The following ERG variants were observed in gnomAD, a reference collection of about 807,000 sequenced individuals.
The protein encoded by ERG is ETS transcription factor ERG.
ERG carries 9 observed loss-of-function variants against 55.3 expected under a neutral mutation model. The observed-to-expected ratio is 0.16, with a 90% confidence interval of 0.10 to 0.28. ERG has a LOEUF of 0.28. ERG is among the 10% of genes least tolerant of loss of function. ERG has a pLI of 1.00. For synonymous variants in ERG, 223 were observed against 237.3 expected (o/e 0.94, Z 0.55); for missense variants, 434 against 631.6 (o/e 0.69, Z 3.35).
intron 2 of ERG, among the ~76,000 whole-genome samples, chr21:38,541,987 T>G (rs1485329464): frequency 1.3e-5 from 2 of 152,052 alleles, no homozygotes; most frequent in Non-Finnish European, 2.9e-5. Flanking sequence ...CTCTACACTG[T>G]TTTTGTTTGT....
chr21:38,582,361 T>C (rs892321541), intron 1 of ERG, among the ~76,000 whole-genome samples: 19 of 152,226 alleles, frequency 1.2e-4, no homozygotes, highest in Admixed American at 1.2e-3. Flanking sequence ...GTAGTCAGTG[T>C]CAGAACTGAA....
At chr21:38,565,313 T>C (rs1023523852) in intron 2 of ERG, among the ~76,000 whole-genome samples, 1 of 152,216 alleles carries the variant, frequency 6.6e-6, no homozygotes, top group Non-Finnish European at 1.5e-5. Flanking sequence ...ATGGTTCTTT[T>C]AGAACTTCAA....
rs564660467 is a variant in ERG, at chr21:38,521,150, A to C, written c.-41+54512T>G. ...TCGAGGAGGAGGATTTCCGGGCTTC[A>C]GTGAGTGTGCATCAGAGATTCATGG... On this transcript the variant is annotated intron_variant, in intron 2 of 8. Transcript: ENST00000398897. Among the ~76,000 whole-genome samples, 3 of 152,310 alleles carry C rather than the reference A, an allele frequency of 2.0e-5. No homozygotes were observed. In the East Asian group the frequency reaches 5.8e-4, roughly 29 times the overall value.
intron 2 of ERG, among the ~76,000 whole-genome samples, chr21:38,564,678 A>G (rs1471843942): frequency 6.6e-6 from 1 of 151,924 alleles, no homozygotes; most frequent in East Asian, 1.9e-4. Flanking sequence ...AGGTGGCCAA[A>G]GCCTGTGGCT....
At position 38,403,576 on chromosome 21, in the gene ERG, G is replaced by C; in HGVS notation, c.522C>G (p.Asp174Glu). ...DGKELCKMTK[D>E]DFQRLTPSYN... ...AGCTGGGGGTGAGCCTCTGGAAGTCGTCCTTGGTCATCTTGCACAGTTCCT... is the reference window on the plus strand; with the variant it reads ...AGCTGGGGGTGAGCCTCTGGAAGTCCTCCTTGGTCATCTTGCACAGTTCCT... The change falls in exon 4 of 10, where the codon GAC (aspartate) becomes GAG (glutamate). Residue 174 changes from aspartate (D) to glutamate (E), a missense_variant. Physicochemically the swap from Asp to Glu is conservative, Grantham distance 45. This residue lies in a region of ERG where 212 missense variants were observed against 262.9 expected (regional missense o/e 0.81). Coordinates refer to ENST00000288319, the MANE Select transcript of ERG (RefSeq NM_182918.4). The C allele has an allele frequency of 6.2e-7, 1 of 1,614,162 alleles. No homozygotes were observed. The highest frequency in any genetic ancestry group is 8.5e-7 in the Non-Finnish European group (1 of 1,180,026).
intron 1 of ERG, among the ~76,000 whole-genome samples, chr21:38,580,834 A>G (rs1339746563): frequency 6.6e-6 from 1 of 152,232 alleles, no homozygotes; most frequent in East Asian, 1.9e-4. Context: ...GTATTGCAAA[A>G]TGGTTAAGAG....
intron 2 of ERG, among the ~76,000 whole-genome samples, chr21:38,529,478 C>G (rs1601193748): frequency 6.6e-6 from 1 of 152,184 alleles, no homozygotes; most frequent in East Asian, 1.9e-4. Context: ...TGGGCTTAAA[C>G]AAACCCCTGA....
intron 1 of ERG, among the ~76,000 whole-genome samples, chr21:38,455,391 G>C (rs2058978724): frequency 6.6e-6 from 1 of 152,018 alleles, no homozygotes; most frequent in Admixed American, 6.6e-5. Flanking sequence ...GAAACACAAA[G>C]GCCAAGCTCA....
At chr21:38,619,516 CA>C (rs564526343) in intron 1 of ERG, among the ~76,000 whole-genome samples, 18 of 152,006 alleles carry the variant, frequency 1.2e-4, no homozygotes, top group Admixed American at 3.9e-4. Flanking sequence ...TTAAAGACCC[CA>C]AAAAAATGGC....
At chr21:38,629,126 G>T (rs1406993179) in intron 1 of ERG, among the ~76,000 whole-genome samples, 2 of 152,208 alleles carry the variant, frequency 1.3e-5, no homozygotes, top group Non-Finnish European at 2.9e-5. Context: ...GCTCCCAGCT[G>T]CCTGCTTGCA....
chr21:38,568,984 T>C (rs1425300493), intron 2 of ERG, among the ~76,000 whole-genome samples: 1 of 152,134 alleles, frequency 6.6e-6, no homozygotes, highest in East Asian at 1.9e-4. Context: ...ACAGGGGTGA[T>C]AGGGGGTGAG....
intron 3 of ERG, among the ~76,000 whole-genome samples, chr21:38,417,782 C>A (rs1026756142): frequency 7.2e-5 from 11 of 151,746 alleles, no homozygotes; most frequent in African/African-American, 2.7e-4. Flanking sequence ...GAGCGAGGCT[C>A]CATCTCAAAA....
chr21:38,530,238 T>G (rs1048904164), intron 2 of ERG, among the ~76,000 whole-genome samples: 31 of 151,970 alleles, frequency 2.0e-4, no homozygotes, highest in African/African-American at 7.0e-4. Context: ...TTTTGCATTT[T>G]TAGTAGAGAG....
At chr21:38,486,751 G>C (rs1324040554) in intron 1 of ERG, among the ~76,000 whole-genome samples, 1 of 152,060 alleles carries the variant, frequency 6.6e-6, no homozygotes, top group Non-Finnish European at 1.5e-5. Flanking sequence ...TATTTTGCCA[G>C]GTTGCCCAGG....
chr21:38,466,649 T>C (rs2836424), intron 1 of ERG, among the ~76,000 whole-genome samples: 116,036 of 152,020 alleles, frequency 0.76, 44,387 homozygotes, highest in East Asian at 0.89. Context: ...GGTCAGTTCT[T>C]CATATGATAA....
At chr21:38,483,649 C>T (rs1294978208) in intron 1 of ERG, among the ~76,000 whole-genome samples, 1 of 151,914 alleles carries the variant, frequency 6.6e-6, no homozygotes, top group Non-Finnish European at 1.5e-5. Flanking sequence ...GAGATTGAGA[C>T]CATCCTGGCT....
chr21:38,369,799 G>A, the ERG span, among the ~76,000 whole-genome samples: 1 of 152,068 alleles, frequency 6.6e-6, no homozygotes, highest in Non-Finnish European at 1.5e-5. Context: ...TTTTGTATAT[G>A]GTGTAAAGAG....
At chr21:38,388,274 A>G (rs181070509) in intron 9 of ERG, among the ~76,000 whole-genome samples, 22 of 152,368 alleles carry the variant, frequency 1.4e-4, no homozygotes, top group African/African-American at 4.8e-4. Flanking sequence ...TGTGTTGCTT[A>G]TAACCGATCC....
rs1367562975 is a variant in ERG at position 38,380,599 on chromosome 21, A to T, written c.*2804T>A. ...AAAGGTTCATGCAATTATGAATATG[A>T]CCTGGAGGGGGCTTTGGAATTAGAT... On this transcript the variant is annotated 3_prime_UTR_variant, in exon 10 of 10. Coordinates refer to ENST00000288319, the MANE Select transcript of ERG (RefSeq NM_182918.4). 54 of 1,065,582 alleles carry T rather than the reference A, an allele frequency of 5.1e-5. No homozygotes were observed. Among genetic ancestry groups the T allele is most frequent in the Non-Finnish European group, 6.1e-5 (54 of 879,518 alleles). 66.0% of individuals were successfully genotyped at this position (1,065,582 alleles called of 1,614,324 possible).
Sources: gnomAD v4.1 joint callset for allele counts (sites outside exome capture counted in the v4.1 genomes callset) on GRCh38, gnomAD v4.1.1 for gene constraint, gnomAD v4.1.1 regional missense constraint, MANE v1.5 for transcripts, NCBI Gene and HGNC (gene_info 2026-07-23, HGNC 2026-07-21) for gene names.